The following GNAL variants were observed in gnomAD, a reference collection of about 807,000 sequenced individuals.
The protein encoded by GNAL is guanine nucleotide-binding protein G(olf) subunit alpha.
GNAL carries 18 observed loss-of-function variants against 55.1 expected under a neutral mutation model. The observed-to-expected ratio is 0.33, with a 90% CI of 0.23 to 0.48. The LOEUF (loss-of-function observed/expected upper bound fraction) is 0.48. Ranked by LOEUF, GNAL falls within the 20% of genes least tolerant of loss-of-function variation. GNAL has a pLI of 0.99. For synonymous variants in GNAL, 253 were observed against 237.0 expected, an observed-to-expected ratio of 1.07 and a Z score of -0.62; for missense variants, 412 against 614.1, an observed-to-expected ratio of 0.67 and a Z score of 3.48.
rs1359942067 is a variant in GNAL, at chr18:11,868,341, T to A, written c.911-202T>A. ...CTTAAGCATCCCAAATTTACATGTGTCTTTTGGGGTGGGCTCTTCATCAAG... is the reference window on the plus strand; with the variant it reads ...CTTAAGCATCCCAAATTTACATGTGACTTTTGGGGTGGGCTCTTCATCAAG... On this transcript the variant is annotated intron_variant, in intron 8 of 11. Transcript: ENST00000334049. This position sits in a 1 kb window ranked among gnomAD's most constrained non-coding sequence, Gnocchi z 4.0. Among the ~76,000 whole-genome samples, 4 of 151,454 alleles carry A rather than the reference T, an allele frequency of 2.6e-5. No individual in the cohort carries two copies. The highest frequency in any genetic ancestry group is 9.7e-5 in the African/African-American group (4 of 41,324).
chr18:11,814,750 A>T (rs1398620626), intron 4 of GNAL, among the ~76,000 whole-genome samples: 1 of 149,494 alleles, frequency 6.7e-6, no homozygotes, highest in Non-Finnish European at 1.5e-5. Flanking sequence ...TACAAAATTA[A>T]CTGGGCATGG....
intron 4 of GNAL, among the ~76,000 whole-genome samples, chr18:11,800,620 G>A (rs72867032): frequency 3.9e-5 from 6 of 152,080 alleles, no homozygotes; most frequent in Admixed American, 3.3e-4. Flanking sequence ...GGCCCAGGTT[G>A]AATTTGTTCT....
chr18:11,852,263 T>A, intron 5 of GNAL: 2 of 908,314 alleles, frequency 2.2e-6, no homozygotes, highest in South Asian at 1.8e-5. Flanking sequence ...CCACATAAAT[T>A]AAGAAATTCA....
At chr18:11,740,821 C>T (rs2032560285) in intron 1 of GNAL, among the ~76,000 whole-genome samples, 1 of 152,188 alleles carries the variant, frequency 6.6e-6, no homozygotes, top group African/African-American at 2.4e-5. Flanking sequence ...TATGTGATGA[C>T]AAATAAAAGC....
At chr18:11,864,947 C>T (rs1734045653) in intron 7 of GNAL, among the ~76,000 whole-genome samples, 1 of 152,138 alleles carries the variant, frequency 6.6e-6, no homozygotes, top group South Asian at 2.1e-4. Flanking sequence ...GTGTCTCCAG[C>T]CCATCTCTTG....
intron 6 of GNAL, among the ~76,000 whole-genome samples, chr18:11,862,925 C>T (rs1476449304): frequency 6.7e-6 from 1 of 148,858 alleles, no homozygotes; most frequent in Non-Finnish European, 1.5e-5. Context: ...GTCGCCCAGA[C>T]TGGAGTGCTA....
At chr18:11,851,909 A>G in intron 5 of GNAL, 1 of 1,613,936 alleles carries the variant, frequency 6.2e-7, no homozygotes, top group African/African-American at 1.3e-5. Context: ...CAGCAAATGG[A>G]AGACACGATG....
At chr18:11,803,384 C>T (rs768378789) in intron 4 of GNAL, among the ~76,000 whole-genome samples, 2 of 152,210 alleles carry the variant, frequency 1.3e-5, no homozygotes, top group South Asian at 4.1e-4. Flanking sequence ...AATGTTGTAG[C>T]ATGTGTCAGA....
At chr18:11,863,768 G>A (rs1466994461) in intron 6 of GNAL, among the ~76,000 whole-genome samples, 1 of 152,152 alleles carries the variant, frequency 6.6e-6, no homozygotes, top group African/African-American at 2.4e-5. Context: ...ACAGAAATGT[G>A]CAGGGAAGAG....
chr18:11,869,364 T>TC (rs1415071310), intron 9 of GNAL, among the ~76,000 whole-genome samples: 1 of 152,004 alleles, frequency 6.6e-6, no homozygotes, highest in Non-Finnish European at 1.5e-5. Context: ...AGGATGGTCT[T>TC]GATCTCCTGA....
In GNAL at chr18:11,689,645, G is replaced by T; in HGVS notation, c.82G>T (p.Glu28Ter). 7.2e-7 allele frequency: 1 copy of T among 1,393,796 alleles called. No homozygotes were observed. The allele number at this position is 1,393,796 out of a possible 1,614,324, so 86.3% of individuals were successfully genotyped here. A position where few individuals can be genotyped will look rare whatever the true frequency, so the allele number is the denominator to read the frequency against. ...CTGCGCGGCCTCGGAGCCGCCGGTG[G>T]AGGACGCGCAGCCCGCCCCGGCCCC... Reference protein sequence around the residue: ...DPCAASEPPVEDAQPAPAPAL... With the variant: ...DPCAASEPPV Residue 28 changes from glutamate to a stop codon, truncating the protein, a stop_gained, in exon 1 of 12, where the codon GAG becomes TAG. Coordinates refer to ENST00000334049, the MANE Select transcript of GNAL (RefSeq NM_182978.4). LOFTEE classifies it high-confidence loss of function.
chr18:11,734,996 A>G (rs2032428230), intron 1 of GNAL, among the ~76,000 whole-genome samples: 1 of 147,684 alleles, frequency 6.8e-6, no homozygotes, highest in African/African-American at 2.5e-5. Context: ...CACAGGGAAA[A>G]CGCCAGGCCG....
intron 1 of GNAL, chr18:11,746,133 G>T: frequency 1.8e-6 from 1 of 541,640 alleles, no homozygotes; most frequent in South Asian, 1.4e-5. Flanking sequence ...TTTTGTTCTG[G>T]GACACTATGA....
chr18:11,841,759 C>T (rs950253138), intron 5 of GNAL, among the ~76,000 whole-genome samples: 20 of 152,056 alleles, frequency 1.3e-4, no homozygotes, highest in African/African-American at 4.6e-4. Flanking sequence ...GGGGATCCTT[C>T]CATGAGAAGA....
At chr18:11,851,502 C>T (rs992137023) in intron 5 of GNAL, 68 of 1,545,150 alleles carry the variant, frequency 4.4e-5, no homozygotes, top group Non-Finnish European at 5.7e-5. Flanking sequence ...CCCAAAGGAG[C>T]CGTCCGACTA....
In GNAL at chr18:11,813,258, A is replaced by AAAAAAAAAG. The variant is rs777637282; in HGVS notation, c.625-11656_625-11655insAAAAGAAAA. Among the ~76,000 whole-genome samples, 52 of 151,908 alleles carry AAAAAAAAAG rather than the reference A, an allele frequency of 3.4e-4. 1 individual carries two copies. The highest frequency in any genetic ancestry group is 1.0e-3 in the African/African-American group (43 of 41,458). ...CGACAGGGTGAGACTCCATCTTAAA[A>AAAAAAAAAG]AAAAGAAAAAAAGACATAAGTAGAG... On this transcript the variant is annotated intron_variant, in intron 4 of 11. Coordinates refer to ENST00000334049, the MANE Select transcript of GNAL (RefSeq NM_182978.4).
chr18:11,754,022 A>G lies in GNAL; in HGVS notation c.624+77A>G, dbSNP rs1246589515. ...TAATAAGGTTTCTTATTGAGAATCA[A>G]TATTGATACTAATTCATTATTAACT... On this transcript the variant is annotated intron_variant, in intron 4 of 11. Transcript: ENST00000334049. 4 of 1,041,652 alleles carry G rather than the reference A, an allele frequency of 3.8e-6. No individual in the cohort carries two copies. The South Asian group carries it at 4.0e-5, about 10-fold the overall frequency. The allele number at this position is 1,041,652 out of a possible 1,614,324, so 64.5% of individuals were successfully genotyped here. A position where few individuals can be genotyped will look rare whatever the true frequency, so the allele number is the denominator to read the frequency against.
chr18:11,859,356 T>G (rs979074065), intron 5 of GNAL, among the ~76,000 whole-genome samples: 1 of 152,196 alleles, frequency 6.6e-6, no homozygotes, highest in African/African-American at 2.4e-5. Context: ...TCTCATGGAT[T>G]CCAAGGTCTT....
rs2037081549 is a variant in GNAL at position 11,885,539 on chromosome 18, G to A, written c.*4404G>A. 2.0e-6 allele frequency: 2 copies of A among 1,013,566 alleles called. No homozygotes were observed. Among genetic ancestry groups the A allele is most frequent in the Non-Finnish European group, 2.9e-6 (2 of 686,116 alleles). The allele number at this position is 1,013,566 out of a possible 1,614,324, so 62.8% of individuals were successfully genotyped here. A position where few individuals can be genotyped will look rare whatever the true frequency, so the allele number is the denominator to read the frequency against. On this transcript the variant is annotated 3_prime_UTR_variant, in exon 12 of 12. Coordinates refer to ENST00000334049, the MANE Select transcript of GNAL (RefSeq NM_182978.4). ...GGGTGTTTGGCAAGGGGCAGTGTAT[G>A]GAGCTACGTGTAGAAGGAGAGAAAT...
Sources: allele counts gnomAD v4.1 joint callset (sites outside exome capture counted in the v4.1 genomes callset), GRCh38; gene constraint gnomAD v4.1.1; non-coding constraint Gnocchi (gnomAD v3.1); transcripts MANE v1.5; gene names NCBI Gene and HGNC (gene_info 2026-07-23, HGNC 2026-07-21).